The following ORC3 variants were observed in gnomAD, a reference collection of about 807,000 sequenced individuals.
ORC3 encodes the protein origin recognition complex subunit 3, also known as homolog of latheo, Drosophila.
Under a neutral mutation model 100.7 loss-of-function variants are expected in ORC3, and 78 were observed. That is an observed-to-expected ratio of 0.77 (90% CI 0.65 to 0.94). ORC3 has a LOEUF of 0.94. Among genes scored for constraint, ORC3 ranks in the 40% least tolerant of loss-of-function variants. The probability of loss-of-function intolerance (pLI) is 0.00; values close to 1 mark genes in which losing one functional copy is unlikely to be tolerated. For synonymous variants in ORC3, 295 were observed against 289.3 expected, an observed-to-expected ratio of 1.02 and a Z score of -0.20; for missense variants, 789 against 823.9, an observed-to-expected ratio of 0.96 and a Z score of 0.52.
At chr6:87,645,237 T>A (rs56031077) in intron 13 of ORC3, among the ~76,000 whole-genome samples, 8,839 of 152,228 alleles carry the variant, frequency 0.058, 311 homozygotes, top group African/African-American at 0.099. Flanking sequence ...GAGCTACAAT[T>A]CAGAGTAGTA....
intron 13 of ORC3, among the ~76,000 whole-genome samples, chr6:87,638,413 T>C (rs772952727): frequency 6.6e-6 from 1 of 152,208 alleles, no homozygotes; most frequent in Non-Finnish European, 1.5e-5. Context: ...GAAATTTTAT[T>C]TAACTCATGA....
chr6:87,606,130 A>G, intron 5 of ORC3, 109 bp downstream of exon 5: 1 of 661,326 alleles, frequency 1.5e-6, no homozygotes, highest in Non-Finnish European at 2.7e-6. Flanking sequence ...GAAAGAACAC[A>G]GTGCTATGTT....
chr6:87,666,154 A>G (rs1770584422), intron 19 of ORC3, among the ~76,000 whole-genome samples: 1 of 152,062 alleles, frequency 6.6e-6, no homozygotes, highest in African/African-American at 2.4e-5. Context: ...TGTTTTTGAG[A>G]CGGAGTCTCG....
intron 13 of ORC3, among the ~76,000 whole-genome samples, chr6:87,651,563 A>G (rs996708864): frequency 2.0e-5 from 3 of 152,226 alleles, no homozygotes; most frequent in African/African-American, 2.4e-5. Context: ...GATAAAGATT[A>G]TATCTTAGAT....
rs1298919662 is a variant in ORC3, at chr6:87,666,659, G to C, written c.2031-359G>C. 4.0e-5 allele frequency among the ~76,000 whole-genome samples: 6 copies of C among 151,492 alleles called. No homozygotes were observed. In the East Asian group the frequency reaches 9.8e-4, roughly 25 times the overall value. ...TCACCATGTTGGCCAGGCTGGTCTT[G>C]AACTCCTGACCTTAGGTGATCTGCC... On this transcript the variant is annotated intron_variant, in intron 19 of 19. Coordinates refer to ENST00000392844, the MANE Select transcript of ORC3 (RefSeq NM_012381.4).
chr6:87,591,039 TA>T (rs1280559440), intron 1 of ORC3, among the ~76,000 whole-genome samples: 1 of 152,226 alleles, frequency 6.6e-6, no homozygotes, highest in Non-Finnish European at 1.5e-5. Flanking sequence ...TGTGGCTATT[TA>T]AATTTGAGTT....
downstream of ORC3, among the ~76,000 whole-genome samples, chr6:87,671,439 G>GT (rs1236117541): frequency 2.6e-5 from 4 of 152,016 alleles, no homozygotes; most frequent in Non-Finnish European, 4.4e-5. Flanking sequence ...AGAGGCAAAA[G>GT]TAAGTTTTAG....
At chr6:87,643,934 A>G (rs921169099) in intron 13 of ORC3, among the ~76,000 whole-genome samples, 2 of 152,116 alleles carry the variant, frequency 1.3e-5, no homozygotes, top group Non-Finnish European at 2.9e-5. Context: ...AATAGTTGTT[A>G]CATTGTATTG....
intron 12 of ORC3, among the ~76,000 whole-genome samples, chr6:87,635,565 G>A (rs189348780): frequency 6.6e-6 from 1 of 152,304 alleles, no homozygotes; most frequent in African/African-American, 2.4e-5. Flanking sequence ...GGGAAGCCAA[G>A]GCAGGTGGTT....
intron 19 of ORC3, 148 bp from the exon 20 acceptor site, chr6:87,666,870 A>G (rs1233734035): frequency 3.6e-6 from 2 of 560,174 alleles, no homozygotes; most frequent in Admixed American, 3.4e-5. Flanking sequence ...ATTCTAATTA[A>G]TGTTTTCCAG....
At chr6:87,665,943 ATTAC>A in intron 19 of ORC3, 110 bp downstream of exon 19, 1 of 601,992 alleles carries the variant, frequency 1.7e-6, no homozygotes, top group Non-Finnish European at 2.9e-6. Flanking sequence ...AAACAACCGT[ATTAC>A]TTGTTAATAT....
chr6:87,668,712 G>A (rs1770767915), downstream of ORC3, among the ~76,000 whole-genome samples: 1 of 152,214 alleles, frequency 6.6e-6, no homozygotes, highest in Admixed American at 6.5e-5. Flanking sequence ...GCTGGGTACA[G>A]CAGCTCGCGC....
At chr6:87,674,302 CAAAAAAA>C in the ORC3 span, among the ~76,000 whole-genome samples, 14 of 87,162 alleles carry the variant, frequency 1.6e-4, no homozygotes, top group African/African-American at 3.9e-4. Context: ...AACTCTATCT[CAAAAAAA>C]AAAAAAAAAA....
intron 11 of ORC3, among the ~76,000 whole-genome samples, chr6:87,625,354 T>C (rs1035170901): frequency 1.3e-5 from 2 of 152,140 alleles, no homozygotes; most frequent in Non-Finnish European, 2.9e-5. Flanking sequence ...CTCTCCAGTA[T>C]CTGTTGTTCC....
chr6:87,676,687 G>A, the ORC3 span, among the ~76,000 whole-genome samples: 1 of 151,608 alleles, frequency 6.6e-6, no homozygotes, highest in East Asian at 1.9e-4. Context: ...GGTTAAGGCA[G>A]GAGAATCGCT....
intron 2 of ORC3, among the ~76,000 whole-genome samples, chr6:87,595,595 A>T (rs1028650023): frequency 1.3e-5 from 2 of 152,150 alleles, no homozygotes; most frequent in Non-Finnish European, 2.9e-5. Context: ...TAGTCTTCAC[A>T]TCCTTTCTAC....
chr6:87,628,427 T>C (rs904549494), intron 11 of ORC3, among the ~76,000 whole-genome samples: 3 of 152,246 alleles, frequency 2.0e-5, no homozygotes, highest in Non-Finnish European at 4.4e-5. Flanking sequence ...GAAGACCTGG[T>C]ACAGCTGATG....
intron 3 of ORC3, 23 bp from the exon 4 acceptor site, chr6:87,603,357 TAATA>T (rs916989324): frequency 1.4e-5 from 18 of 1,257,570 alleles, no homozygotes; most frequent in Non-Finnish European, 1.9e-5. Context: ...TTTCTAATAA[TAATA>T]AGTTTTTGTG....
intron 4 of ORC3, among the ~76,000 whole-genome samples, chr6:87,604,370 A>G (rs1457535559): frequency 6.6e-6 from 1 of 152,210 alleles, no homozygotes; most frequent in African/African-American, 2.4e-5. Context: ...TTACATTTCT[A>G]ACAGGGTACC....
Sources: allele counts gnomAD v4.1 joint callset (sites outside exome capture counted in the v4.1 genomes callset), GRCh38; gene constraint gnomAD v4.1.1; transcripts MANE v1.5; gene names NCBI Gene and HGNC (gene_info 2026-07-23, HGNC 2026-07-21).